Variants in ABCA3 observed in about 807,000 individuals in gnomAD.
The protein encoded by ABCA3 is ATP binding cassette subfamily A member 3.
In ABCA3, 88 loss-of-function variants were observed where a neutral mutation model predicts 172.8. That is an observed-to-expected ratio of 0.51 (90% CI 0.43 to 0.61). The LOEUF (loss-of-function observed/expected upper bound fraction) is 0.61, where lower values mean the gene tolerates loss of function less well. Ranked by LOEUF, ABCA3 falls within the 20% of genes least tolerant of loss-of-function variation. The pLI, the probability that ABCA3 is intolerant of heterozygous loss-of-function variation, is 0.00. For missense variants in ABCA3, 2,164 were observed against 2,301.0 expected, an observed-to-expected ratio of 0.94 and a Z score of 1.22; for synonymous variants, 1,066 against 983.8, an observed-to-expected ratio of 1.08 and a Z score of -1.56.
intron 11 of ABCA3, among the ~76,000 whole-genome samples, chr16:2,304,361 C>A (rs953238019): frequency 3.9e-5 from 6 of 152,136 alleles, no homozygotes; most frequent in African/African-American, 1.4e-4. Context: ...AAGTCACAGA[C>A]CAGCAACAGC....
rs763636142 is a variant in ABCA3 at position 2,317,725 on chromosome 16, A to C, written c.913T>G (p.Trp305Gly). Reference sequence around the variant, plus strand: ...AAGAACAAGAGGAACCAGGCACTCCAGTGCAGCCAGCTGCTGAGCCCCATC... The same window carrying C: ...AAGAACAAGAGGAACCAGGCACTCCCGTGCAGCCAGCTGCTGAGCCCCATC... ...RMMGLSSWLHWSAWFLLFFLF... is the reference protein window; with the variant it reads ...RMMGLSSWLHGSAWFLLFFLF... The change falls in exon 9 of 33, where the codon TGG becomes GGG. Residue 305 changes from tryptophan (W) to glycine (G), a missense_variant. Physicochemically the swap from Trp to Gly is radical, Grantham distance 184 (BLOSUM62 -2). This residue lies in a region of ABCA3 where 1,343 missense variants were observed against 1,369.6 expected (regional missense o/e 0.98). Coordinates refer to ENST00000301732, the MANE Select transcript of ABCA3 (RefSeq NM_001089.3). 8 of 1,614,142 alleles carry C rather than the reference A, an allele frequency of 5.0e-6. No homozygotes were observed. Among genetic ancestry groups the C allele is most frequent in the Non-Finnish European group, 6.8e-6 (8 of 1,180,050 alleles).
Position 2,286,693 on chromosome 16 carries a change from C to G in ABCA3, c.3278+1G>C. 1 of 1,613,032 alleles carries G rather than the reference C, an allele frequency of 6.2e-7. No individual in the cohort carries two copies. The highest frequency in any genetic ancestry group is 8.5e-7 in the Non-Finnish European group (1 of 1,179,872). On this transcript the variant is annotated splice_donor_variant, in intron 22 of 32. Transcript: ENST00000301732. LOFTEE classifies it high-confidence loss of function. This position sits in a 1 kb window ranked among gnomAD's most constrained non-coding sequence, Gnocchi z 5.2. Reference sequence around the variant, plus strand: ...CAGACAGGGACGGGCAGTGCACATACTCGTTAAACTGGTCCTTGGCAGCCT... The same window carrying G: ...CAGACAGGGACGGGCAGTGCACATAGTCGTTAAACTGGTCCTTGGCAGCCT...
chr16:2,284,985 G>A lies in ABCA3; in HGVS notation c.3497C>T (p.Ala1166Val), dbSNP rs148473733. 54 of 1,613,198 alleles carry A rather than the reference G, an allele frequency of 3.3e-5. No individual in the cohort carries two copies. Among genetic ancestry groups the A allele is most frequent in the Non-Finnish European group, 4.3e-5 (51 of 1,179,906 alleles). Residue 1166 changes from alanine (A) to valine (V), a missense_variant, in exon 24 of 33, where the codon GCC (alanine) becomes GTC (valine). Physicochemically the swap from Ala to Val is moderately conservative, Grantham distance 64 (BLOSUM62 0). Around this residue, in one of 3 missense-constraint regions of ABCA3, gnomAD observed 795 missense variants for 881.9 expected, o/e 0.90. Transcript: ENST00000301732. This position sits in a 1 kb window ranked among gnomAD's most constrained non-coding sequence, Gnocchi z 5.9. ...CCGCGTGAAGGCACGCACGTCGAAG[G>A]CCTTAAACACCACCTGCGGCGGCAC... ...PSLLLLVVFK[A>V]FDVRAFTRDG...
intron 14 of ABCA3, 40 bp downstream of exon 14, chr16:2,299,363 G>C: frequency 6.2e-7 from 1 of 1,611,180 alleles, no homozygotes; most frequent in Non-Finnish European, 8.5e-7. Context: ...GTTAAAGGGG[G>C]GCCTGCTGGT....
intron 1 of ABCA3, among the ~76,000 whole-genome samples, chr16:2,340,241 G>A (rs1490231209): frequency 3.9e-5 from 6 of 152,162 alleles, no homozygotes; most frequent in African/African-American, 1.4e-4. Context: ...AGAGGGCCCG[G>A]GCCGTGCCGA....
intron 1 of ABCA3, among the ~76,000 whole-genome samples, chr16:2,330,895 G>T (rs891099300): frequency 2.0e-5 from 3 of 151,764 alleles, no homozygotes; most frequent in African/African-American, 7.3e-5. Flanking sequence ...TAGACACAGG[G>T]TTTCCCTGTG....
chr16:2,322,866 G>C lies in ABCA3; in HGVS notation c.613+657C>G, dbSNP rs574988154. On this transcript the variant is annotated intron_variant, in intron 7 of 32. Transcript: ENST00000301732. ...GGAAACTACCATCAGAGTGAACAGG[G>C]AACCTACAGAATGGGAGAAAATTTT... Among the ~76,000 whole-genome samples the C allele has an allele frequency of 9.6e-3, 1,467 of 152,034 alleles. 22 individuals carry two copies. The highest frequency in any genetic ancestry group is 0.033 in the African/African-American group (1,386 of 41,468).
chr16:2,306,789 G>A (rs910354988), intron 11 of ABCA3, among the ~76,000 whole-genome samples: 1 of 152,130 alleles, frequency 6.6e-6, no homozygotes, highest in Non-Finnish European at 1.5e-5. Context: ...GCCGAGGCGG[G>A]CGGATCACAA....
intron 11 of ABCA3, among the ~76,000 whole-genome samples, chr16:2,306,877 C>T (rs574120652): frequency 1.7e-4 from 26 of 151,482 alleles, no homozygotes; most frequent in Admixed American, 3.3e-4. Context: ...TAGCTGGGCA[C>T]GGTGGCGGGC....
In ABCA3 at chr16:2,278,848, C is replaced by T; in HGVS notation, c.4547+95G>A. On this transcript the variant is annotated intron_variant, in intron 29 of 32. Transcript: ENST00000301732. This position sits in a 1 kb window ranked among gnomAD's most constrained non-coding sequence, Gnocchi z 4.4. ...CATCCTGGAGCCACAAGCAGGAGCTCTGGCTGCTGACCTGAGCGGTCACTC... is the reference window on the plus strand; with the variant it reads ...CATCCTGGAGCCACAAGCAGGAGCTTTGGCTGCTGACCTGAGCGGTCACTC... 6.4e-7 allele frequency: 1 copy of T among 1,557,178 alleles called. No homozygotes were observed. The highest frequency in any genetic ancestry group is 8.8e-7 in the Non-Finnish European group (1 of 1,137,930).
In ABCA3 at chr16:2,288,133, G is replaced by A; in HGVS notation, c.2897C>T (p.Thr966Ile). The stretch of plus-strand genomic sequence containing the variant: ...CCCGGGAACTGAGAAGGGCACGACG[G>A]TTCTGCCGTACTCGCCCAAGGTCAG... ...LRLTLGEYGR[T>I]VVPFSVPGTS... The change falls in exon 21 of 33, where the codon ACC becomes ATC. Residue 966 changes from threonine to isoleucine, a missense_variant. This residue lies in a region of ABCA3 where 1,343 missense variants were observed against 1,369.6 expected (regional missense o/e 0.98). Coordinates refer to ENST00000301732, the MANE Select transcript of ABCA3 (RefSeq NM_001089.3). The A allele has an allele frequency of 6.2e-7, 1 of 1,612,674 alleles. No homozygotes were observed. The highest frequency in any genetic ancestry group is 8.5e-7 in the Non-Finnish European group (1 of 1,179,446).
intron 11 of ABCA3, among the ~76,000 whole-genome samples, chr16:2,306,966 G>C (rs1013132656): frequency 7.3e-6 from 1 of 137,882 alleles, no homozygotes; most frequent in Non-Finnish European, 1.5e-5. Flanking sequence ...AGTGAGCCGA[G>C]ATTGCGCCAC....
intron 5 of ABCA3, among the ~76,000 whole-genome samples, 154 bp downstream of exon 5, chr16:2,325,856 G>A (rs1019647068): frequency 6.6e-6 from 1 of 152,202 alleles, no homozygotes; most frequent in Non-Finnish European, 1.5e-5. Context: ...GCCTTTTACA[G>A]GTTGAAGTAG....
At chr16:2,332,504 T>C in intron 1 of ABCA3, 1 of 932,458 alleles carries the variant, frequency 1.1e-6, no homozygotes, top group Admixed American at 1.8e-5. Context: ...GACTGACGGG[T>C]AGCATAAATC....
At chr16:2,315,906 C>G (rs890688101) in intron 10 of ABCA3, among the ~76,000 whole-genome samples, 12 of 132,642 alleles carry the variant, frequency 9.0e-5, no homozygotes, top group Non-Finnish European at 1.2e-4. Context: ...TGGTCTTAAA[C>G]TCCTGGGCTC....
In ABCA3 at chr16:2,279,213, G is replaced by A; in HGVS notation, c.4360-83C>T. Reference sequence around the variant, plus strand: ...AGAGGACCACGGGGACTACCCTTGAGGTGCCCACCACTGCGCCTGTCTGTG... The same window carrying A: ...AGAGGACCACGGGGACTACCCTTGAAGTGCCCACCACTGCGCCTGTCTGTG... On this transcript the variant is annotated intron_variant, in intron 28 of 32. Transcript: ENST00000301732. The surrounding 1 kb of genome is among the most constrained non-coding windows in gnomAD (Gnocchi z 4.4). 2.0e-6 allele frequency: 3 copies of A among 1,506,328 alleles called. No homozygotes were observed. The highest frequency in any genetic ancestry group is 1.1e-5 in the South Asian group (1 of 87,400). The allele number at this position is 1,506,328 out of a possible 1,614,324, so 93.3% of individuals were successfully genotyped here. A position where few individuals can be genotyped will look rare whatever the true frequency, so the allele number is the denominator to read the frequency against.
In ABCA3 at chr16:2,304,800, T is replaced by G. The variant is rs552589437; in HGVS notation, c.1286-650A>C. ...ACGCCATTCTCCTGCCTCAGCCTCC[T>G]GAGTAGCTGGGACTACAGGCGCCCG... is the stretch of plus-strand genomic sequence containing the variant. On this transcript the variant is annotated intron_variant, in intron 11 of 32. Coordinates refer to ENST00000301732, the MANE Select transcript of ABCA3 (RefSeq NM_001089.3). Among the ~76,000 whole-genome samples, 436 of 151,600 alleles carry G rather than the reference T, an allele frequency of 2.9e-3. 2 individuals are homozygous for G. The highest frequency in any genetic ancestry group is 0.01 in the African/African-American group (424 of 41,316).
chr16:2,278,281 G>A lies in ABCA3; in HGVS notation c.4718+7C>T, dbSNP rs1471440743. The A allele has an allele frequency of 1.2e-6, 2 of 1,606,796 alleles. No individual in the cohort carries two copies. The highest frequency in any genetic ancestry group is 8.5e-7 in the Non-Finnish European group (1 of 1,179,964). On this transcript the variant is annotated splice_region_variant and intron_variant, in intron 30 of 32. Transcript: ENST00000301732. This position sits in a 1 kb window ranked among gnomAD's most constrained non-coding sequence, Gnocchi z 4.4. Reference sequence around the variant, plus strand: ...AACTTCCAGTAACCCACAGACCCAGGCTCTACCTGTGGGAGGTGATGATGA... The same window carrying A: ...AACTTCCAGTAACCCACAGACCCAGACTCTACCTGTGGGAGGTGATGATGA...
At chr16:2,291,811 C>T (rs1161899168) in intron 19 of ABCA3, among the ~76,000 whole-genome samples, 3 of 152,180 alleles carry the variant, frequency 2.0e-5, no homozygotes, top group East Asian at 1.9e-4. Flanking sequence ...CGGTGCCTCA[C>T]GCCTGTAATA....
Sources: allele counts gnomAD v4.1 joint callset (sites outside exome capture counted in the v4.1 genomes callset), GRCh38; gene constraint gnomAD v4.1.1; regional missense constraint gnomAD v4.1.1; non-coding constraint Gnocchi (gnomAD v3.1); transcripts MANE v1.5; gene names NCBI Gene and HGNC (gene_info 2026-07-23, HGNC 2026-07-21).